The following AR variants were observed in gnomAD, a reference collection of about 807,000 sequenced individuals.
The protein encoded by AR is androgen receptor, also known as dihydrotestosterone receptor.
In AR, 8 loss-of-function variants were observed where a neutral mutation model predicts 53.9. The observed-to-expected ratio is 0.15, with a 90% CI of 0.09 to 0.27. The LOEUF (loss-of-function observed/expected upper bound fraction) is 0.27. AR is among the 10% of genes least tolerant of loss of function. The pLI is 1.00. For synonymous variants in AR, 359 were observed against 316.4 expected (o/e 1.13, Z -1.43); for missense variants, 639 against 742.5 (o/e 0.86, Z 1.62).
intron 2 of AR, among the ~76,000 whole-genome samples, chrX:67,664,318 T>G (rs774240029): frequency 8.9e-6 from 1 of 112,140 alleles, no homozygotes; most frequent in African/African-American, 3.2e-5. Context: ...TCCTTTCTGT[T>G]TGTTAGTTTT....
chrX:67,716,004 G>A lies in AR; in HGVS notation c.2174-1474G>A, dbSNP rs189341606. Reference sequence around the variant, plus strand: ...GTTCTACCTGTGTATTATTGTAGACGTAGCTTCTGGGAGCCTCTGCTCTCT... The same window carrying A: ...GTTCTACCTGTGTATTATTGTAGACATAGCTTCTGGGAGCCTCTGCTCTCT... On this transcript the variant is annotated intron_variant, in intron 4 of 7. Coordinates refer to ENST00000374690, the MANE Select transcript of AR (RefSeq NM_000044.6). Among the ~76,000 whole-genome samples the A allele has an allele frequency of 8.0e-5, 9 of 111,888 alleles. No individual in the cohort carries two copies. In the East Asian group the frequency reaches 1.7e-3, roughly 21 times the overall value.
chrX:67,566,451 A>G (rs1275436523), intron 1 of AR, among the ~76,000 whole-genome samples: 2 of 111,898 alleles, frequency 1.8e-5, no homozygotes, highest in African/African-American at 6.5e-5. Context: ...GTAAATGAAG[A>G]TGAAGCCTTA....
Position 67,668,489 on chromosome X carries a change from T to C in AR, c.1769-17521T>C, listed in dbSNP as rs368987489. The stretch of plus-strand genomic sequence containing the variant: ...TAGTATTTTGTTGGGGATTTTTGCA[T>C]CAGTGTTTATCAGGGATATTGGCCT... On this transcript the variant is annotated intron_variant, in intron 2 of 7. Coordinates refer to ENST00000374690, the MANE Select transcript of AR (RefSeq NM_000044.6). Among the ~76,000 whole-genome samples the C allele has an allele frequency of 5.4e-5, 6 of 110,930 alleles. No individual in the cohort carries two copies. In the East Asian group the frequency reaches 1.7e-3, roughly 31 times the overall value.
intron 1 of AR, among the ~76,000 whole-genome samples, chrX:67,563,726 A>T (rs181310854): frequency 5.6e-4 from 63 of 112,249 alleles, no homozygotes; most frequent in East Asian, 2.8e-4. Context: ...AGCCCAGCTG[A>T]AATCTCTTAT....
rs1448086773 is a variant in AR at position 67,729,833 on chromosome X, C to T, written c.*5992C>T. The T allele has an allele frequency of 1.2e-5, 2 of 171,759 alleles. No individual in the cohort carries two copies. The highest frequency in any genetic ancestry group is 8.2e-5 in the East Asian group (1 of 12,147). 14.2% of individuals were successfully genotyped at this position (171,759 alleles called of 1,213,427 possible). ...CTGCCTCACAGTATGGGAACCTGTA[C>T]TCTGCAGAGGTGACAGGCCAGATTT... On this transcript the variant is annotated 3_prime_UTR_variant, in exon 8 of 8. Transcript: ENST00000374690.
At chrX:67,652,931 G>A (rs1188663782) in intron 2 of AR, among the ~76,000 whole-genome samples, 2 of 112,015 alleles carry the variant, frequency 1.8e-5, no homozygotes, top group East Asian at 5.6e-4. Context: ...CATATTCATA[G>A]CTTTTACATG....
intron 2 of AR, among the ~76,000 whole-genome samples, chrX:67,684,265 A>C: frequency 8.9e-6 from 1 of 111,982 alleles, no homozygotes; most frequent in East Asian, 2.8e-4. Context: ...CTTTCTGTGC[A>C]CATATGGTAG....
At position 67,598,437 on chromosome X, in the gene AR, C is replaced by T. The variant is rs182777758; in HGVS notation, c.1617-44819C>T. On this transcript the variant is annotated intron_variant, in intron 1 of 7. Coordinates refer to ENST00000374690, the MANE Select transcript of AR (RefSeq NM_000044.6). ...GCTGGATTAGAGGTGCGTGCCACCA[C>T]GCCCAGCTAATTTTTGTATTTTTAG... is the stretch of plus-strand genomic sequence containing the variant. Among the ~76,000 whole-genome samples the T allele has an allele frequency of 3.1e-4, 34 of 110,397 alleles. 1 individual carries two copies. Among genetic ancestry groups the T allele is most frequent in the Admixed American group, 2.9e-3 (30 of 10,355 alleles).
At chrX:67,628,311 C>G (rs760319320) in intron 1 of AR, among the ~76,000 whole-genome samples, 2 of 97,465 alleles carry the variant, frequency 2.1e-5, no homozygotes, top group Non-Finnish European at 4.3e-5. Flanking sequence ...CTTTTATTTC[C>G]TTGAGCAGTG....
chrX:67,720,072 A>G (rs1310390780), intron 5 of AR, among the ~76,000 whole-genome samples: 1 of 111,910 alleles, frequency 8.9e-6, no homozygotes, highest in Non-Finnish European at 1.9e-5. Flanking sequence ...ACTGCTGAAG[A>G]GTATTATAAT....
At chrX:67,697,014 G>C (rs1437269073) in intron 3 of AR, among the ~76,000 whole-genome samples, 1 of 112,043 alleles carries the variant, frequency 8.9e-6, no homozygotes, top group Non-Finnish European at 1.9e-5. Context: ...GGATAGACAA[G>C]ATCCAAGGCC....
chrX:67,615,604 G>GA (rs1397832205), intron 1 of AR, among the ~76,000 whole-genome samples: 2 of 110,817 alleles, frequency 1.8e-5, no homozygotes, highest in Non-Finnish European at 3.8e-5. Context: ...TAATCTGCAT[G>GA]AAAAAAAATT....
chrX:67,670,110 T>A (rs1480625817), intron 2 of AR, among the ~76,000 whole-genome samples: 1 of 88,975 alleles, frequency 1.1e-5, no homozygotes, highest in East Asian at 3.8e-4. Context: ...ATTTTGAGAT[T>A]TTAGTGCAGC....
At chrX:67,611,605 G>A (rs938096568) in intron 1 of AR, among the ~76,000 whole-genome samples, 2 of 111,352 alleles carry the variant, frequency 1.8e-5, no homozygotes, top group African/African-American at 6.5e-5. Flanking sequence ...AGAGTTTGGA[G>A]ATCATGCTTC....
chrX:67,654,850 G>A (rs1926513652), intron 2 of AR, among the ~76,000 whole-genome samples: 1 of 94,832 alleles, frequency 1.1e-5, no homozygotes, highest in South Asian at 5.9e-4. Flanking sequence ...TATCTAGCAT[G>A]CCGTCTCCTA....
At chrX:67,632,069 G>A (rs767240553) in intron 1 of AR, among the ~76,000 whole-genome samples, 1 of 112,799 alleles carries the variant, frequency 8.9e-6, no homozygotes, top group African/African-American at 3.2e-5. Flanking sequence ...ATTTAAGTCT[G>A]CAGAGGTTAC....
chrX:67,646,399 T>C (rs1231368926), intron 2 of AR, among the ~76,000 whole-genome samples: 1 of 111,169 alleles, frequency 9.0e-6, no homozygotes, highest in Non-Finnish European at 1.9e-5. Flanking sequence ...ATAATGCTAC[T>C]AAGCCATGAG....
intron 1 of AR, among the ~76,000 whole-genome samples, chrX:67,604,198 A>ATGTGTGTGTGTGTGTGTGTGTGTG (rs72092334): frequency 6.4e-5 from 5 of 78,152 alleles, no homozygotes; most frequent in African/African-American, 2.4e-4. Flanking sequence ...GGGGAGAAAT[A>ATGTGTGTGTGTGTGTGTGTGTGTG]TGTGTGTGTG....
chrX:67,649,339 A>G (rs939352751), intron 2 of AR, among the ~76,000 whole-genome samples: 6 of 112,128 alleles, frequency 5.4e-5, no homozygotes, highest in Admixed American at 4.7e-4. Context: ...AAACATACGT[A>G]TGCATGCGTC....
Sources: allele counts gnomAD v4.1 joint callset (sites outside exome capture counted in the v4.1 genomes callset), GRCh38; gene constraint gnomAD v4.1.1; transcripts MANE v1.5; gene names NCBI Gene and HGNC (gene_info 2026-07-23, HGNC 2026-07-21).